The following SLC5A2 variants were observed in gnomAD, a reference collection of about 807,000 sequenced individuals.
The protein encoded by SLC5A2 is solute carrier family 5 member 2.
Under a neutral mutation model 69.0 loss-of-function variants are expected in SLC5A2, and 67 were observed. The ratio of observed to expected loss-of-function variants is 0.97; its 90% CI spans 0.80 to 1.19. SLC5A2 has a LOEUF of 1.19. Among genes scored for constraint, SLC5A2 ranks in the 50% most tolerant of loss-of-function variants. The pLI, the probability that SLC5A2 is intolerant of heterozygous loss-of-function variation, is 0.00. For missense variants in SLC5A2, 1,001 were observed against 921.5 expected, an observed-to-expected ratio of 1.09 and a Z score of -1.12; for synonymous variants, 455 against 395.8, an observed-to-expected ratio of 1.15 and a Z score of -1.78.
intron 12 of SLC5A2, chr16:31,489,888 C>T (rs2082545452): frequency 4.9e-6 from 3 of 610,518 alleles, no homozygotes; most frequent in East Asian, 6.2e-5. Flanking sequence ...GGAGCAAGGC[C>T]AACGGCTTTA....
chr16:31,488,109 C>T lies in SLC5A2; in HGVS notation c.957C>T (p.Tyr319=). The T allele has an allele frequency of 6.2e-7, 1 of 1,614,066 alleles. No individual in the cohort carries two copies. Residue 319 remains tyrosine, a synonymous_variant, in exon 8 of 14, where the codon TAC becomes TAT. Transcript: ENST00000330498. ...HIKAGCILCG[Y]LKLTPMFLMV... The stretch of plus-strand genomic sequence containing the variant: ...AGGCGGGCTGCATCCTGTGTGGGTA[C>T]CTGAAGCTGACGCCCATGTTTCTCA...
intron 3 of SLC5A2, 146 bp from the exon 4 acceptor site, chr16:31,485,583 C>T: frequency 1.1e-6 from 1 of 934,670 alleles, no homozygotes; most frequent in Non-Finnish European, 1.6e-6. Context: ...TGCCCAGGGC[C>T]CCGGGGCCAT....
At chr16:31,487,288 C>A in intron 5 of SLC5A2, 32 bp from the exon 6 acceptor site, 2 of 1,608,638 alleles carry the variant, frequency 1.2e-6, no homozygotes, top group East Asian at 4.5e-5. Context: ...ACATAAACAG[C>A]TGGGCTGTCC....
intron 5 of SLC5A2, 142 bp from the exon 6 acceptor site, chr16:31,487,178 T>A: frequency 1.2e-6 from 1 of 850,788 alleles, no homozygotes; most frequent in Non-Finnish European, 2.0e-6. Context: ...CCTGCGTGCA[T>A]GAGCCCCGAG....
chr16:31,490,507 C>T lies in SLC5A2; in HGVS notation c.1991C>T (p.Ala664Val), dbSNP rs1223892255. The T allele has an allele frequency of 6.2e-7, 1 of 1,613,126 alleles. No homozygotes were observed. Among genetic ancestry groups the T allele is most frequent in the African/African-American group, 1.3e-5 (1 of 74,930 alleles). Residue 664 changes from alanine (A) to valine (V), a missense_variant, in exon 14 of 14, where the codon GCC becomes GTC. Transcript: ENST00000330498. ...NLNALLMMAV[A>V]VFLWGFYA ...AATGCCCTGCTCATGATGGCAGTGG[C>T]CGTGTTCCTCTGGGGCTTCTATGCC...
rs1233666131 is a variant in SLC5A2, at chr16:31,489,130, T to C, written c.1457T>C (p.Phe486Ser). The change falls in exon 12 of 14, where the codon TTC becomes TCC. Residue 486 changes from phenylalanine to serine, a missense_variant. Coordinates refer to ENST00000330498, the MANE Select transcript of SLC5A2 (RefSeq NM_003041.4). Reference sequence around the variant, plus strand: ...GACCTGTTTCCTTCGCAGGGCGCCTTCTGGGGACTCATCGGGGGCCTGCTG... The same window carrying C: ...GACCTGTTTCCTTCGCAGGGCGCCTCCTGGGGACTCATCGGGGGCCTGCTG... ...FVPRVNEQGA[F>S]WGLIGGLLMG... 2.5e-6 allele frequency: 4 copies of C among 1,608,432 alleles called. No homozygotes were observed. Among genetic ancestry groups the C allele is most frequent in the Non-Finnish European group, 3.4e-6 (4 of 1,179,980 alleles).
rs2082519740 is a variant in SLC5A2, at chr16:31,488,450, C to T, written c.1089C>T (p.Asn363=). ...RVCGTEVGCS[N]IAYPRLVVKL... ...GCGGCACGGAGGTGGGCTGCTCCAA[C>T]ATCGCCTACCCGCGGCTCGTCGTGA... is the stretch of plus-strand genomic sequence containing the variant. Residue 363 remains asparagine, a synonymous_variant, in exon 9 of 14, where the codon AAC becomes AAT. Transcript: ENST00000330498. The T allele has an allele frequency of 1.2e-6, 2 of 1,611,288 alleles. No individual in the cohort carries two copies. The highest frequency in any genetic ancestry group is 1.3e-5 in the African/African-American group (1 of 75,062).
chr16:31,488,369 CCT>C lies in SLC5A2; in HGVS notation c.1022-7_1022-6del. On this transcript the variant is annotated splice_polypyrimidine_tract_variant and intron_variant, in intron 8 of 13. Transcript: ENST00000330498. ...AGGCCCCGTCCTAACGGCGCGGTGG[CCT>C]CTCTCTGGCAGACGAGGTGGCGTGC... 3 of 1,610,416 alleles carry C rather than the reference CCT, an allele frequency of 1.9e-6. No individual in the cohort carries two copies. The highest frequency in any genetic ancestry group is 8.5e-7 in the Non-Finnish European group (1 of 1,179,528).
At chr16:31,489,686 C>T in intron 12 of SLC5A2, 1 of 471,442 alleles carries the variant, frequency 2.1e-6, no homozygotes, top group Non-Finnish European at 3.9e-6. Context: ...TGGCTCCAGG[C>T]AGGGCTGATG....
At chr16:31,490,255 G>A (rs1478184130) in intron 13 of SLC5A2, 25 bp downstream of exon 13, 1 of 1,614,048 alleles carries the variant, frequency 6.2e-7, no homozygotes, top group Middle Eastern at 1.7e-4. Context: ...TGGGAGGTGG[G>A]GCTGGAGGAG....
intron 12 of SLC5A2, 166 bp downstream of exon 12, chr16:31,489,504 A>G (rs529002883): frequency 7.3e-6 from 5 of 680,734 alleles, no homozygotes; most frequent in African/African-American, 5.3e-5. Context: ...ATTTAAATAC[A>G]TTTATTTGAA....
At chr16:31,486,532 C>T (rs1217288801) in intron 5 of SLC5A2, among the ~76,000 whole-genome samples, 1 of 152,188 alleles carries the variant, frequency 6.6e-6, no homozygotes, top group African/African-American at 2.4e-5. Context: ...GATTTAGCAG[C>T]TCTTGCCTGC....
At chr16:31,487,894 A>C (rs2082511829) in intron 7 of SLC5A2, 135 bp downstream of exon 7, 4 of 1,425,644 alleles carry the variant, frequency 2.8e-6, no homozygotes, top group Admixed American at 2.0e-5. Flanking sequence ...TTGGTGCTAA[A>C]CCAGACAGAA....
chr16:31,488,477 G>T lies in SLC5A2; in HGVS notation c.1116G>T (p.Lys372Asn). Reference sequence around the variant, plus strand: ...TCGCCTACCCGCGGCTCGTCGTGAAGCTCATGCCCAACGGTAAGGGCAGCC... The same window carrying T: ...TCGCCTACCCGCGGCTCGTCGTGAATCTCATGCCCAACGGTAAGGGCAGCC... ...SNIAYPRLVVKLMPNGLRGLM... is the reference protein window; with the variant it reads ...SNIAYPRLVVNLMPNGLRGLM... The change falls in exon 9 of 14, where the codon AAG becomes AAT. Residue 372 changes from lysine (K) to asparagine (N), a missense_variant. Physicochemically the swap from Lys to Asn is moderately conservative, Grantham distance 94. Transcript: ENST00000330498. The T allele has an allele frequency of 6.2e-7, 1 of 1,609,286 alleles. No individual in the cohort carries two copies. The highest frequency in any genetic ancestry group is 1.7e-5 in the Admixed American group (1 of 59,382).
chr16:31,485,237 G>A (rs540968697), intron 3 of SLC5A2: 34 of 516,670 alleles, frequency 6.6e-5, no homozygotes, highest in African/African-American at 5.7e-4. Flanking sequence ...GCTCAGATGC[G>A]CTCCGAAGCT....
At chr16:31,484,525 G>A in intron 1 of SLC5A2, 148 bp from the exon 2 acceptor site, 1 of 820,698 alleles carries the variant, frequency 1.2e-6, no homozygotes, top group South Asian at 1.4e-5. Context: ...TGAGTGTCTG[G>A]GAGGAGTTGG....
intron 5 of SLC5A2, 136 bp downstream of exon 5, chr16:31,486,411 T>G: frequency 1.4e-6 from 1 of 704,338 alleles, no homozygotes; most frequent in Non-Finnish European, 2.6e-6. Flanking sequence ...GAGAAGGAAC[T>G]AAATCTTTGG....
rs534857379 is a variant in SLC5A2, at chr16:31,485,709, G to A, written c.304-20G>A. 34 of 1,611,432 alleles carry A rather than the reference G, an allele frequency of 2.1e-5. No individual in the cohort carries two copies. The highest frequency in any genetic ancestry group is 1.2e-4 in the Admixed American group (7 of 60,030). ...GGATGAGGGCAAAGCCACCCTCAGC[G>A]GCAGTACTGCCCCCCGTAGGCGCTC... On this transcript the variant is annotated intron_variant, in intron 3 of 13. Transcript: ENST00000330498.
chr16:31,488,309 G>A lies in SLC5A2; in HGVS notation c.1022-74G>A, dbSNP rs1386290046. The A allele has an allele frequency of 6.2e-6, 10 of 1,600,620 alleles. No homozygotes were observed. The Admixed American group carries it at 1.7e-4, about 27-fold the overall frequency. On this transcript the variant is annotated intron_variant, in intron 8 of 13. Coordinates refer to ENST00000330498, the MANE Select transcript of SLC5A2 (RefSeq NM_003041.4). ...GGGGGTCGCACGCCTCCTCTGCTAG[G>A]ATTCCCAGTCCCCACCTCCTGGGAT... is the stretch of plus-strand genomic sequence containing the variant.
Sources: allele counts gnomAD v4.1 joint callset (sites outside exome capture counted in the v4.1 genomes callset), GRCh38; gene constraint gnomAD v4.1.1; transcripts MANE v1.5; gene names NCBI Gene and HGNC (gene_info 2026-07-23, HGNC 2026-07-21).